Variants in MICAL2 observed in about 807,000 individuals in gnomAD.
The protein encoded by MICAL2 is [F-actin]-monooxygenase MICAL2.
Under a neutral mutation model 127.3 loss-of-function variants are expected in MICAL2, and 77 were observed. That is an observed-to-expected ratio of 0.60 (90% CI 0.50 to 0.73). The LOEUF (loss-of-function observed/expected upper bound fraction) is 0.73, where lower values mean the gene tolerates loss of function less well. Among genes scored for constraint, MICAL2 ranks in the 30% least tolerant of loss-of-function variants. The pLI is 0.00. For synonymous variants in MICAL2, 570 were observed against 551.1 expected, an observed-to-expected ratio of 1.03 and a Z score of -0.48; for missense variants, 1,351 against 1,434.4, an observed-to-expected ratio of 0.94 and a Z score of 0.94.
intron 2 of MICAL2, among the ~76,000 whole-genome samples, chr11:12,152,998 T>C (rs1182813703): frequency 6.6e-6 from 1 of 152,058 alleles, no homozygotes; most frequent in Non-Finnish European, 1.5e-5. Context: ...TGGTAAAATT[T>C]ACATAACATA....
intron 15 of MICAL2, 52 bp downstream of exon 15, chr11:12,227,183 A>C (rs1366593956): frequency 7.7e-7 from 1 of 1,290,374 alleles, no homozygotes; most frequent in African/African-American, 1.5e-5. Flanking sequence ...TGGACGGGGT[A>C]TGAGGAACGG....
intron 14 of MICAL2, among the ~76,000 whole-genome samples, chr11:12,226,810 G>A (rs576861082): frequency 2.6e-5 from 4 of 151,844 alleles, no homozygotes; most frequent in African/African-American, 7.2e-5. Flanking sequence ...CTACCACCAC[G>A]TCTGGCTAAT....
At chr11:12,339,669 A>G (rs1303204079) in intron 32 of MICAL2, among the ~76,000 whole-genome samples, 5 of 152,206 alleles carry the variant, frequency 3.3e-5, no homozygotes, top group Non-Finnish European at 5.9e-5. Context: ...TCTAACAGTC[A>G]GGACCCTCAG....
intron 25 of MICAL2, among the ~76,000 whole-genome samples, chr11:12,259,210 G>A (rs539728922): frequency 2.6e-5 from 4 of 152,294 alleles, no homozygotes; most frequent in South Asian, 4.1e-4. Context: ...TGAGAAAACC[G>A]CAGTTGACAT....
chr11:12,132,594 G>A (rs1488607284), intron 1 of MICAL2, among the ~76,000 whole-genome samples: 1 of 152,246 alleles, frequency 6.6e-6, no homozygotes, highest in Non-Finnish European at 1.5e-5. Context: ...ATAGCCATTA[G>A]CTGCCAGCTG....
intron 1 of MICAL2, among the ~76,000 whole-genome samples, chr11:12,130,013 T>C (rs73412270): frequency 0.016 from 2,466 of 152,314 alleles, 66 homozygotes; most frequent in African/African-American, 0.055. Flanking sequence ...GCGCCCAGGC[T>C]ATACAATTCT....
At chr11:12,129,636 C>CTTCTTTT (rs1554949317) in intron 1 of MICAL2, among the ~76,000 whole-genome samples, 2 of 97,430 alleles carry the variant, frequency 2.1e-5, no homozygotes, top group Admixed American at 1.1e-4. Flanking sequence ...TCTTCTTCTT[C>CTTCTTTT]TTTTTTTTTT....
intron 3 of MICAL2, among the ~76,000 whole-genome samples, chr11:12,163,002 G>C (rs1249811290): frequency 6.6e-6 from 1 of 152,114 alleles, no homozygotes; most frequent in Non-Finnish European, 1.5e-5. Context: ...ATAGGTCTAG[G>C]TCCTTACTGC....
intron 34 of MICAL2, among the ~76,000 whole-genome samples, chr11:12,357,685 A>G (rs1407632151): frequency 2.0e-5 from 3 of 152,046 alleles, no homozygotes; most frequent in African/African-American, 7.2e-5. Flanking sequence ...AAAAACACAA[A>G]AAATTGGCCA....
At chr11:12,347,957 C>T (rs1311384417) in intron 32 of MICAL2, among the ~76,000 whole-genome samples, 1 of 151,982 alleles carries the variant, frequency 6.6e-6, no homozygotes, top group Non-Finnish European at 1.5e-5. Context: ...AGTTCGAGAC[C>T]ATCCTGGCCA....
chr11:12,320,369 C>T (rs1340634820), intron 30 of MICAL2, among the ~76,000 whole-genome samples: 3 of 152,166 alleles, frequency 2.0e-5, no homozygotes, highest in Non-Finnish European at 4.4e-5. Flanking sequence ...ACTCTTTAAA[C>T]AACTCTCATA....
At chr11:12,332,960 A>G (rs980123381) in intron 32 of MICAL2, among the ~76,000 whole-genome samples, 7 of 152,178 alleles carry the variant, frequency 4.6e-5, no homozygotes, top group African/African-American at 1.4e-4. Flanking sequence ...GGCTCACTCA[A>G]CAAATACCGA....
chr11:12,338,025 C>T (rs1252375666), intron 32 of MICAL2, among the ~76,000 whole-genome samples: 4 of 152,108 alleles, frequency 2.6e-5, no homozygotes, highest in South Asian at 4.2e-4. Context: ...GTTTCTGTCT[C>T]GTTGATCTGT....
rs1858800937 is a variant in MICAL2 at position 12,189,577 on chromosome 11, A to G, written c.265-14673A>G. On this transcript the variant is annotated intron_variant, in intron 3 of 27. Transcript: ENST00000683283. ...CAGGGTTTAAATTACATATTCCCTA[A>G]CCTACCTTATCTCACCACCCCCACT... is the stretch of plus-strand genomic sequence containing the variant. Among the ~76,000 whole-genome samples the G allele has an allele frequency of 4.6e-5, 7 of 152,280 alleles. No individual in the cohort carries two copies. In the South Asian group the frequency reaches 1.5e-3, roughly 32 times the overall value.
intron 29 of MICAL2, among the ~76,000 whole-genome samples, chr11:12,306,842 A>G (rs572811627): frequency 6.6e-6 from 1 of 152,338 alleles, no homozygotes; most frequent in East Asian, 1.9e-4. Context: ...ATGCACCAAC[A>G]TTTGTTTATC....
At chr11:12,321,355 G>T (rs186939261) in intron 30 of MICAL2, among the ~76,000 whole-genome samples, 1 of 152,230 alleles carries the variant, frequency 6.6e-6, no homozygotes, top group Admixed American at 6.5e-5. Context: ...TCCCATGCAG[G>T]TGTGTCCCCA....
intron 1 of MICAL2, among the ~76,000 whole-genome samples, chr11:12,279,931 G>A (rs1306721599): frequency 6.6e-6 from 1 of 152,242 alleles, no homozygotes; most frequent in Non-Finnish European, 1.5e-5. Context: ...ACAGGTGGAC[G>A]AGTGGCAGTG....
At chr11:12,123,636 C>T (rs1358195693) in intron 1 of MICAL2, among the ~76,000 whole-genome samples, 3 of 152,308 alleles carry the variant, frequency 2.0e-5, no homozygotes, top group Admixed American at 6.5e-5. Context: ...AGCTGCATCC[C>T]GGGAGAGATC....
chr11:12,275,492 G>A (rs547675719), upstream of MICAL2, among the ~76,000 whole-genome samples: 14 of 152,296 alleles, frequency 9.2e-5, no homozygotes, highest in African/African-American at 3.4e-4. Context: ...GCCAGGAGAG[G>A]AAATGAAGGA....
Sources: allele counts gnomAD v4.1 joint callset (sites outside exome capture counted in the v4.1 genomes callset), GRCh38; gene constraint gnomAD v4.1.1; transcripts MANE v1.5; gene names NCBI Gene and HGNC (gene_info 2026-07-23, HGNC 2026-07-21).